Variants in AFF1 observed in about 807,000 individuals in gnomAD.
AFF1 encodes the protein AF4/FMR2 family member 1.
In AFF1, 48 loss-of-function variants were observed where a neutral mutation model predicts 121.7. That is an observed-to-expected ratio of 0.39 (90% CI 0.31 to 0.50). The LOEUF (loss-of-function observed/expected upper bound fraction) is 0.50. Ranked by LOEUF, AFF1 falls within the 20% of genes least tolerant of loss-of-function variation. The probability of loss-of-function intolerance (pLI) is 0.76; values close to 1 mark genes in which losing one functional copy is unlikely to be tolerated. For synonymous variants in AFF1, 613 were observed against 563.0 expected (o/e 1.09, Z -1.26); for missense variants, 1,523 against 1,511.7 (o/e 1.01, Z -0.12).
intron 8 of AFF1, among the ~76,000 whole-genome samples, chr4:87,098,469 G>A (rs1228499296): frequency 3.3e-5 from 5 of 152,186 alleles, no homozygotes; most frequent in Non-Finnish European, 7.3e-5. Context: ...TTTCTGTACA[G>A]TAACTGTGAC....
rs1454384471 is a variant in AFF1, at chr4:87,137,861, A to G, written c.*2160A>G. 1.3e-5 allele frequency: 3 copies of G among 231,492 alleles called. No individual in the cohort carries two copies. The highest frequency in any genetic ancestry group is 5.6e-5 in the Admixed American group (1 of 17,720). 14.3% of individuals were successfully genotyped at this position (231,492 alleles called of 1,614,324 possible). A position where few individuals can be genotyped will look rare whatever the true frequency, so the allele number is the denominator to read the frequency against. On this transcript the variant is annotated 3_prime_UTR_variant, in exon 21 of 21. Transcript: ENST00000395146. ...ATTCCCTAGAACAAGCCACCTGTCAATTGTGAAGGGTTGTGTTCTTTATGG... is the reference window on the plus strand; with the variant it reads ...ATTCCCTAGAACAAGCCACCTGTCAGTTGTGAAGGGTTGTGTTCTTTATGG...
intron 1 of AFF1, among the ~76,000 whole-genome samples, chr4:86,944,962 T>G (rs1311472313): frequency 6.6e-6 from 1 of 152,244 alleles, no homozygotes; most frequent in Non-Finnish European, 1.5e-5. Flanking sequence ...CTGAATAAAT[T>G]TGGTAAGCAA....
At position 87,139,336 on chromosome 4, in the gene AFF1, T is replaced by G; in HGVS notation, c.*3635T>G. The G allele has an allele frequency of 4.3e-6, 1 of 233,210 alleles. No homozygotes were observed. The highest frequency in any genetic ancestry group is 8.5e-6 in the Non-Finnish European group (1 of 117,936). The allele number at this position is 233,210 out of a possible 1,614,324, so 14.4% of individuals were successfully genotyped here. A position where few individuals can be genotyped will look rare whatever the true frequency, so the allele number is the denominator to read the frequency against. ...GAGGCTTGAGGCTGGGCTTTCGGGT[T>G]TTTTTGTTTTTTGTTTTGTTTTGTT... On this transcript the variant is annotated 3_prime_UTR_variant, in exon 21 of 21. Coordinates refer to ENST00000395146, the MANE Select transcript of AFF1 (RefSeq NM_001166693.3).
At chr4:86,991,232 C>T (rs941936396) in intron 2 of AFF1, among the ~76,000 whole-genome samples, 5 of 152,058 alleles carry the variant, frequency 3.3e-5, no homozygotes, top group African/African-American at 1.2e-4. Context: ...ATCACGAGAT[C>T]AGGAAATGGA....
At chr4:87,094,754 C>G (rs890415424) in intron 7 of AFF1, among the ~76,000 whole-genome samples, 161 bp from the exon 8 acceptor site, 1 of 152,138 alleles carries the variant, frequency 6.6e-6, no homozygotes, top group Non-Finnish European at 1.5e-5. Context: ...CTGAACCAAG[C>G]ATTCTCTCTA....
chr4:87,073,910 A>G (rs1722386187), intron 4 of AFF1, among the ~76,000 whole-genome samples: 1 of 152,198 alleles, frequency 6.6e-6, no homozygotes, highest in Non-Finnish European at 1.5e-5. Context: ...GTAATTTAAT[A>G]GTGTTTTGAC....
chr4:87,100,188 G>A (rs1725277817), intron 8 of AFF1, among the ~76,000 whole-genome samples: 1 of 151,970 alleles, frequency 6.6e-6, no homozygotes, highest in Admixed American at 6.5e-5. Flanking sequence ...TAATTTGCTA[G>A]GAATCTTAGC....
At chr4:87,128,589 C>G (rs1365618307) in intron 16 of AFF1, among the ~76,000 whole-genome samples, 1 of 152,198 alleles carries the variant, frequency 6.6e-6, no homozygotes, top group African/African-American at 2.4e-5. Flanking sequence ...CTACACATTT[C>G]AGACACCCAC....
chr4:87,069,467 T>C (rs1306267727), intron 4 of AFF1, among the ~76,000 whole-genome samples: 5 of 143,494 alleles, frequency 3.5e-5, no homozygotes, highest in Non-Finnish European at 7.6e-5. Context: ...TCCCTCCCTC[T>C]CGTCTCTCTT....
At chr4:87,120,935 G>A (rs560142598) in intron 12 of AFF1, among the ~76,000 whole-genome samples, 62 of 152,280 alleles carry the variant, frequency 4.1e-4, no homozygotes, top group Middle Eastern at 3.4e-3. Context: ...TTTCCCTGAC[G>A]GAAACTGACT....
intron 2 of AFF1, among the ~76,000 whole-genome samples, chr4:87,006,821 G>C (rs907021458): frequency 1.1e-4 from 17 of 152,202 alleles, no homozygotes; most frequent in African/African-American, 4.1e-4. Context: ...AGCAGGGCTT[G>C]TCGGCGCCCA....
intron 8 of AFF1, among the ~76,000 whole-genome samples, chr4:87,104,457 G>T (rs1725712844): frequency 2.0e-5 from 3 of 152,176 alleles, no homozygotes; most frequent in African/African-American, 7.2e-5. Flanking sequence ...ACATTTACAA[G>T]TTGCTAACAG....
intron 2 of AFF1, chr4:87,007,545 C>G (rs1408233186): frequency 7.6e-7 from 1 of 1,324,046 alleles, no homozygotes; most frequent in Non-Finnish European, 1.1e-6. Flanking sequence ...ATTGCCTTCT[C>G]ATCATTCCCG....
At chr4:86,998,512 A>G (rs1166234236) in intron 2 of AFF1, among the ~76,000 whole-genome samples, 1 of 152,262 alleles carries the variant, frequency 6.6e-6, no homozygotes, top group Non-Finnish European at 1.5e-5. Context: ...TGACTGTTCC[A>G]TTCAGAGATA....
intron 2 of AFF1, among the ~76,000 whole-genome samples, chr4:86,996,466 A>G (rs1361718863): frequency 2.0e-5 from 3 of 151,934 alleles, no homozygotes; most frequent in Non-Finnish European, 4.4e-5. Context: ...GTATCCACTC[A>G]GGGTTGAATG....
chr4:87,124,990 T>C, intron 12 of AFF1, 47 bp from the exon 13 acceptor site: 1 of 1,465,856 alleles, frequency 6.8e-7, no homozygotes, highest in Non-Finnish European at 9.2e-7. Context: ...GTTTTGTCTG[T>C]ACAATTATGT....
At chr4:87,006,530 A>G (rs1042025105) in intron 2 of AFF1, among the ~76,000 whole-genome samples, 3 of 152,148 alleles carry the variant, frequency 2.0e-5, no homozygotes, top group Non-Finnish European at 2.9e-5. Flanking sequence ...ATTTGTCTCT[A>G]TGTAAGGAAA....
rs1553918045 is a variant in AFF1, at chr4:87,019,887, G to GGA, written c.39-26278_39-26277insAG. ...TGTGACTGGTGTCTGAAGGGGTCGGGGGGGGGCAGTCTTGGGGACTGAGCC... is the reference window on the plus strand; with the variant it reads ...TGTGACTGGTGTCTGAAGGGGTCGGGGAGGGGGGCAGTCTTGGGGACTGAGCC... On this transcript the variant is annotated intron_variant, in intron 2 of 20. Coordinates refer to ENST00000395146, the MANE Select transcript of AFF1 (RefSeq NM_001166693.3). 6.1e-4 allele frequency among the ~76,000 whole-genome samples: 85 copies of GGA among 138,776 alleles called. 2 individuals are homozygous for GGA. The highest frequency in any genetic ancestry group is 2.1e-3 in the African/African-American group (77 of 36,972). The allele number at this position is 138,776 out of a possible 152,430, so 91.0% of individuals were successfully genotyped here.
chr4:86,964,661 C>T (rs1004718861), intron 2 of AFF1, among the ~76,000 whole-genome samples: 12 of 151,520 alleles, frequency 7.9e-5, no homozygotes, highest in African/African-American at 2.7e-4. Flanking sequence ...CTCGAACTCC[C>T]GAGCTCAGGT....
Sources: gnomAD v4.1 joint callset for allele counts (sites outside exome capture counted in the v4.1 genomes callset) on GRCh38, gnomAD v4.1.1 for gene constraint, MANE v1.5 for transcripts, NCBI Gene and HGNC (gene_info 2026-07-23, HGNC 2026-07-21) for gene names.